The following CNTNAP2 variants were observed in gnomAD, a reference collection of about 807,000 sequenced individuals.
CNTNAP2 encodes contactin-associated protein-like 2.
In CNTNAP2, 98 loss-of-function variants were observed where a neutral mutation model predicts 155.2. That is an observed-to-expected ratio of 0.63 (90% CI 0.54 to 0.75). CNTNAP2 has a LOEUF of 0.75. Ranked by LOEUF, CNTNAP2 falls within the 30% of genes least tolerant of loss-of-function variation. CNTNAP2 has a pLI of 0.00. For missense variants in CNTNAP2, 1,727 were observed against 1,688.1 expected (o/e 1.02, Z -0.40); for synonymous variants, 651 against 631.2 (o/e 1.03, Z -0.47).
intron 2 of CNTNAP2, among the ~76,000 whole-genome samples, chr7:146,810,974 A>G (rs1803055833): frequency 6.6e-6 from 1 of 152,192 alleles, no homozygotes; most frequent in Admixed American, 6.5e-5. Context: ...CTTGCATCTC[A>G]AGGATAAATT....
chr7:146,755,604 G>A (rs1266908128), intron 1 of CNTNAP2, among the ~76,000 whole-genome samples: 1 of 151,984 alleles, frequency 6.6e-6, no homozygotes, highest in Non-Finnish European at 1.5e-5. Context: ...ATGTATCAGT[G>A]TGCATATTCT....
intron 3 of CNTNAP2, among the ~76,000 whole-genome samples, chr7:146,937,863 T>C (rs1440559978): frequency 6.6e-6 from 1 of 152,190 alleles, no homozygotes; most frequent in Non-Finnish European, 1.5e-5. Context: ...AGTGTTCTGA[T>C]GGTAGAAGCT....
intron 1 of CNTNAP2, among the ~76,000 whole-genome samples, chr7:146,466,490 A>G (rs1442223216): frequency 2.6e-5 from 4 of 152,194 alleles, no homozygotes; most frequent in African/African-American, 7.2e-5. Context: ...TTTACCTAAT[A>G]CAAACTGATA....
chr7:148,388,425 G>C (rs924191688), intron 22 of CNTNAP2, among the ~76,000 whole-genome samples: 1 of 151,754 alleles, frequency 6.6e-6, no homozygotes, highest in African/African-American at 2.4e-5. Context: ...ATAGTTTACT[G>C]AGAATGATGA....
chr7:146,164,651 T>C (rs777162587), intron 1 of CNTNAP2, among the ~76,000 whole-genome samples: 19 of 152,226 alleles, frequency 1.2e-4, no homozygotes, highest in Admixed American at 2.6e-4. Context: ...CTTCCCTGCT[T>C]TATTGCATAG....
At chr7:147,498,027 A>G (rs974810323) in intron 11 of CNTNAP2, among the ~76,000 whole-genome samples, 3 of 152,140 alleles carry the variant, frequency 2.0e-5, no homozygotes, top group Non-Finnish European at 4.4e-5. Flanking sequence ...GTTCCAGGAG[A>G]GAAGTACTGG....
chr7:146,796,377 G>A (rs531310921), intron 2 of CNTNAP2, among the ~76,000 whole-genome samples: 9 of 152,250 alleles, frequency 5.9e-5, no homozygotes, highest in Non-Finnish European at 8.8e-5. Context: ...AGTTTTTAAG[G>A]GGATTGTGGA....
rs367900395 is a variant in CNTNAP2 at position 146,855,807 on chromosome 7, GTATATATATATATATA to G, written c.402+15934_402+15949del. ...TAAAAATATATGTGTGTGTTAATGAGTATATATATATATATATATATATATATATATATATATATAT... is the reference window on the plus strand; with the variant it reads ...TAAAAATATATGTGTGTGTTAATGAGTATATATATATATATATATATATAT... On this transcript the variant is annotated intron_variant, in intron 3 of 23. Transcript: ENST00000361727. 8.2e-3 allele frequency among the ~76,000 whole-genome samples: 914 copies of G among 111,072 alleles called. 11 individuals carry two copies. Among genetic ancestry groups the G allele is most frequent in the African/African-American group, 0.02 (615 of 31,418 alleles). The allele number at this position is 111,072 out of a possible 152,430, so 72.9% of individuals were successfully genotyped here.
intron 22 of CNTNAP2, among the ~76,000 whole-genome samples, chr7:148,386,842 G>A (rs1423323238): frequency 6.6e-6 from 1 of 151,860 alleles, no homozygotes; most frequent in Non-Finnish European, 1.5e-5. Flanking sequence ...AACTCAGTAA[G>A]TAGTTAAAGC....
intron 15 of CNTNAP2, among the ~76,000 whole-genome samples, chr7:148,104,902 G>C (rs1804176429): frequency 6.6e-6 from 1 of 152,118 alleles, no homozygotes; most frequent in Admixed American, 6.6e-5. Flanking sequence ...TCAAAAGTAG[G>C]CTTTGCAGAT....
At chr7:148,035,088 A>G (rs1240636926) in intron 15 of CNTNAP2, among the ~76,000 whole-genome samples, 1 of 152,224 alleles carries the variant, frequency 6.6e-6, no homozygotes, top group Non-Finnish European at 1.5e-5. Context: ...TTTTAACTGC[A>G]TATAGTAAGA....
intron 14 of CNTNAP2, among the ~76,000 whole-genome samples, chr7:147,971,018 T>C (rs551897250): frequency 6.6e-6 from 1 of 152,286 alleles, no homozygotes; most frequent in South Asian, 2.1e-4. Flanking sequence ...GAAAGGTGTG[T>C]TTTCTATCCA....
At chr7:146,538,174 GT>G (rs1229848612) in intron 1 of CNTNAP2, among the ~76,000 whole-genome samples, 3 of 152,026 alleles carry the variant, frequency 2.0e-5, no homozygotes, top group African/African-American at 4.8e-5. Context: ...TATTTACAAG[GT>G]TTGGAAGGAA....
chr7:147,920,176 G>C (rs1235910539), intron 14 of CNTNAP2, among the ~76,000 whole-genome samples: 1 of 151,356 alleles, frequency 6.6e-6, no homozygotes, highest in Non-Finnish European at 1.5e-5. Context: ...GAACAACATG[G>C]TAAAACCCGT....
chr7:146,143,837 A>G (rs2116761567), intron 1 of CNTNAP2, among the ~76,000 whole-genome samples: 1 of 151,992 alleles, frequency 6.6e-6, no homozygotes, highest in South Asian at 2.1e-4. Context: ...GTCTTGGCTC[A>G]CTGCAACCTC....
chr7:146,985,733 T>C lies in CNTNAP2; in HGVS notation c.403-58174T>C, dbSNP rs139913437. On this transcript the variant is annotated intron_variant, in intron 3 of 23. Coordinates refer to ENST00000361727, the MANE Select transcript of CNTNAP2 (RefSeq NM_014141.6). Reference sequence around the variant, plus strand: ...AGTTTTTCACAAATATTCTCCCTTTTCTTTGAAATAAAGAAACCAGATATA... The same window carrying C: ...AGTTTTTCACAAATATTCTCCCTTTCCTTTGAAATAAAGAAACCAGATATA... Among the ~76,000 whole-genome samples the C allele has an allele frequency of 5.9e-3, 898 of 152,246 alleles. 7 individuals are homozygous for C. The highest frequency in any genetic ancestry group is 0.02 in the African/African-American group (823 of 41,570).
chr7:147,480,432 T>A (rs138275195), intron 10 of CNTNAP2, among the ~76,000 whole-genome samples: 8 of 152,296 alleles, frequency 5.3e-5, no homozygotes, highest in Non-Finnish European at 1.2e-4. Flanking sequence ...GGTCTAAGCA[T>A]GGGGAAAGTC....
chr7:146,153,372 G>A (rs2116781549), intron 1 of CNTNAP2, among the ~76,000 whole-genome samples: 1 of 152,254 alleles, frequency 6.6e-6, no homozygotes, highest in African/African-American at 2.4e-5. Context: ...TTATATTTTA[G>A]GAAGCGTGGC....
intron 1 of CNTNAP2, among the ~76,000 whole-genome samples, chr7:146,606,853 C>A (rs563940677): frequency 5.3e-5 from 8 of 152,212 alleles, no homozygotes; most frequent in African/African-American, 1.9e-4. Context: ...GTGAGTGTCC[C>A]TGATGTCAAG....
Sources: gnomAD v4.1 joint callset for allele counts (sites outside exome capture counted in the v4.1 genomes callset) on GRCh38, gnomAD v4.1.1 for gene constraint, MANE v1.5 for transcripts, NCBI Gene and HGNC (gene_info 2026-07-23, HGNC 2026-07-21) for gene names.